The following CDKN2B-AS1 variants were observed in gnomAD, a reference collection of about 807,000 sequenced individuals.
The protein encoded by CDKN2B-AS1 is CDKN2B and CDKN2A antisense cis and trans regulatory RNA 1, also known as CDKN2B antisense RNA 1 (non-protein coding).
At position 22,102,712 on chromosome 9, in the gene CDKN2B-AS1, A is replaced by G. The variant is rs1352089644; in HGVS notation, n.439-24391A>G. On this transcript the variant is annotated intron_variant and non_coding_transcript_variant, in intron 4 of 4. Coordinates refer to ENST00000650946, the Ensembl canonical transcript of CDKN2B-AS1. ...AATCTAAAAGATTTTGCAAATATGA[A>G]CATTCTAATTACCTTAGAGTTAAGA... Among the ~76,000 whole-genome samples, 4 of 152,190 alleles carry G rather than the reference A, an allele frequency of 2.6e-5. No individual in the cohort carries two copies. In the East Asian group the frequency reaches 7.7e-4, roughly 29 times the overall value.
intron 1 of CDKN2B-AS1, among the ~76,000 whole-genome samples, chr9:22,007,568 G>C (rs887470330): frequency 6.6e-6 from 1 of 152,038 alleles, no homozygotes; most frequent in African/African-American, 2.4e-5. Flanking sequence ...CGAGTTATTT[G>C]TTATGGGTTT....
intron 1 of CDKN2B-AS1, among the ~76,000 whole-genome samples, chr9:22,029,117 A>C (rs1822362259): frequency 6.6e-6 from 1 of 152,210 alleles, no homozygotes; most frequent in Non-Finnish European, 1.5e-5. Flanking sequence ...ATAGCAGCTA[A>C]TATACACAGA....
rs150076860 is a variant in CDKN2B-AS1, at chr9:22,073,910, C to T, written n.438+17523C>T. On this transcript the variant is annotated intron_variant and non_coding_transcript_variant, in intron 4 of 4. Coordinates refer to ENST00000650946, the Ensembl canonical transcript of CDKN2B-AS1. ...ACAGGATCTTGCTCTGTCTCCCAGG[C>T]TGGAGAGCAGTGTTATGATCACAGC... Among the ~76,000 whole-genome samples the T allele has an allele frequency of 7.4e-3, 1,123 of 151,212 alleles. 20 individuals are homozygous for T. The highest frequency in any genetic ancestry group is 0.026 in the African/African-American group (1,063 of 40,946).
At chr9:22,014,254 C>T (rs1821641850) in intron 1 of CDKN2B-AS1, among the ~76,000 whole-genome samples, 2 of 152,046 alleles carry the variant, frequency 1.3e-5, no homozygotes, top group Non-Finnish European at 2.9e-5. Context: ...CCTGCAACTC[C>T]CAGGCTCAAG....
chr9:22,115,526 A>G (rs558404362), intron 4 of CDKN2B-AS1, among the ~76,000 whole-genome samples: 8 of 152,300 alleles, frequency 5.3e-5, no homozygotes, highest in African/African-American at 1.9e-4. Context: ...ATGTGGAAAG[A>G]TAGACACTTT....
At chr9:22,058,249 C>T (rs1001918504) in intron 4 of CDKN2B-AS1, 1 of 152,204 alleles carries the variant, frequency 6.6e-6, no homozygotes, top group Non-Finnish European at 1.5e-5. Flanking sequence ...GATTGCCTCT[C>T]CCTTGCTTCA....
chr9:22,060,479 A>T (rs1424081834), intron 4 of CDKN2B-AS1, among the ~76,000 whole-genome samples: 1 of 152,176 alleles, frequency 6.6e-6, no homozygotes, highest in Non-Finnish European at 1.5e-5. Flanking sequence ...CGCTGTTGGC[A>T]TTTTGGACAA....
At chr9:22,042,752 A>G (rs2131266974) in intron 1 of CDKN2B-AS1, among the ~76,000 whole-genome samples, 1 of 152,280 alleles carries the variant, frequency 6.6e-6, no homozygotes, top group East Asian at 1.9e-4. Context: ...TAAAGAAAGC[A>G]AAACAGATAT....
At chr9:22,032,893 C>A (rs192550029) in intron 1 of CDKN2B-AS1, 2 of 151,698 alleles carry the variant, frequency 1.3e-5, no homozygotes, top group Admixed American at 6.6e-5. Context: ...CAATTTAAAG[C>A]GTGAATATTA....
At chr9:22,024,887 G>A (rs746449400) in intron 1 of CDKN2B-AS1, among the ~76,000 whole-genome samples, 1 of 152,172 alleles carries the variant, frequency 6.6e-6, no homozygotes, top group African/African-American at 2.4e-5. Flanking sequence ...TATTCTGTGG[G>A]CCACCACAGC....
At chr9:22,105,236 A>G (rs1825618862) in intron 4 of CDKN2B-AS1, among the ~76,000 whole-genome samples, 2 of 152,220 alleles carry the variant, frequency 1.3e-5, no homozygotes, top group African/African-American at 4.8e-5. Flanking sequence ...TATGGAGGGT[A>G]TATCATCAGC....
chr9:21,997,632 T>G lies in CDKN2B-AS1; in HGVS notation n.29+2471T>G, dbSNP rs1482364410. On this transcript the variant is annotated intron_variant and non_coding_transcript_variant, in intron 1 of 4. Coordinates refer to ENST00000650946, the Ensembl canonical transcript of CDKN2B-AS1. The surrounding 1 kb of genome is among the most constrained non-coding windows in gnomAD (Gnocchi z 4.8). Reference sequence around the variant, plus strand: ...TCCAAAGGCAATCTGGAAGCAGAATTTCTTCTTCCTTGAGGGACCTCAGTC... The same window carrying G: ...TCCAAAGGCAATCTGGAAGCAGAATGTCTTCTTCCTTGAGGGACCTCAGTC... Among the ~76,000 whole-genome samples, 1 of 152,150 alleles carries G rather than the reference T, an allele frequency of 6.6e-6. No homozygotes were observed. Among genetic ancestry groups the G allele is most frequent in the Admixed American group, 6.5e-5 (1 of 15,268 alleles).
intron 4 of CDKN2B-AS1, chr9:22,092,615 G>A (rs1031647937): frequency 6.6e-6 from 1 of 152,128 alleles, no homozygotes; most frequent in African/African-American, 2.4e-5. Flanking sequence ...TTGCATAGAG[G>A]TGTTTATAGT....
intron 1 of CDKN2B-AS1, chr9:22,012,652 A>G: frequency 5.6e-6 from 2 of 360,304 alleles, no homozygotes; most frequent in Non-Finnish European, 1.1e-5. Flanking sequence ...GAACTGGTTG[A>G]CTGGCCAAGA....
At chr9:22,128,032 C>G (rs1818041172) in exon 5 of CDKN2B-AS1, among the ~76,000 whole-genome samples, 2 of 152,124 alleles carry the variant, frequency 1.3e-5, no homozygotes, top group Non-Finnish European at 2.9e-5. Flanking sequence ...GATGATCATA[C>G]TAACTTATGA....
chr9:22,006,815 C>T lies in CDKN2B-AS1; in HGVS notation n.29+11654C>T, dbSNP rs1821214075. The stretch of plus-strand genomic sequence containing the variant: ...TCCCGTGCGGAAGGCTTTTGTTTGT[C>T]ATGTGTCTGAGCTCATAACTGGCTT... On this transcript the variant is annotated intron_variant and non_coding_transcript_variant, in intron 1 of 4. Transcript: ENST00000650946. This position sits in a 1 kb window ranked among gnomAD's most constrained non-coding sequence, Gnocchi z 6.4. Among the ~76,000 whole-genome samples, 1 of 151,318 alleles carries T rather than the reference C, an allele frequency of 6.6e-6. No individual in the cohort carries two copies. Among genetic ancestry groups the T allele is most frequent in the Non-Finnish European group, 1.5e-5 (1 of 67,872 alleles).
intron 4 of CDKN2B-AS1, among the ~76,000 whole-genome samples, chr9:22,103,844 T>C (rs1421580820): frequency 2.0e-5 from 3 of 152,150 alleles, no homozygotes; most frequent in African/African-American, 4.8e-5. Context: ...GCTATTGAAA[T>C]AAAAATGTCC....
At chr9:22,036,302 T>C (rs954177115) in intron 1 of CDKN2B-AS1, among the ~76,000 whole-genome samples, 1 of 152,110 alleles carries the variant, frequency 6.6e-6, no homozygotes, top group African/African-American at 2.4e-5. Context: ...AAACAACCAG[T>C]AGTGCTTAGG....
At chr9:22,064,047 A>AG (rs1823933354) in intron 4 of CDKN2B-AS1, 1 of 152,014 alleles carries the variant, frequency 6.6e-6, no homozygotes, top group Non-Finnish European at 1.5e-5. Context: ...TGGAAGTGGC[A>AG]GGGGGTATAA....
Sources: gnomAD v4.1 joint callset for allele counts (sites outside exome capture counted in the v4.1 genomes callset) on GRCh38, gnomAD v4.1.1 for gene constraint, Gnocchi (gnomAD v3.1) non-coding constraint, MANE v1.5 for transcripts, NCBI Gene and HGNC (gene_info 2026-07-23, HGNC 2026-07-21) for gene names.